The following USP47 variants were observed in gnomAD, a reference collection of about 807,000 sequenced individuals.
USP47 encodes ubiquitin carboxyl-terminal hydrolase 47.
USP47 carries 35 observed loss-of-function variants against 165.1 expected under a neutral mutation model. The ratio of observed to expected loss-of-function variants is 0.21; its 90% CI spans 0.16 to 0.28. The LOEUF is 0.28. USP47 is among the 10% of genes least tolerant of loss of function. The probability of loss-of-function intolerance (pLI) is 1.00; values close to 1 mark genes in which losing one functional copy is unlikely to be tolerated. For synonymous variants in USP47, 531 were observed against 544.5 expected, an observed-to-expected ratio of 0.98 and a Z score of 0.35; for missense variants, 1,277 against 1,607.4, an observed-to-expected ratio of 0.79 and a Z score of 3.52.
intron 14 of USP47, 132 bp downstream of exon 14, chr11:11,930,883 C>T: frequency 1.6e-6 from 1 of 641,368 alleles, no homozygotes; most frequent in South Asian, 2.3e-5. Flanking sequence ...GAATTATTTA[C>T]AAAGACTGTT....
At chr11:11,870,722 T>C (rs894019374) in intron 1 of USP47, among the ~76,000 whole-genome samples, 2 of 152,204 alleles carry the variant, frequency 1.3e-5, no homozygotes, top group African/African-American at 4.8e-5. Context: ...CCGTGGTTTC[T>C]GGTAAGAAAA....
chr11:11,951,735 T>G (rs886353518), intron 24 of USP47: 4 of 152,204 alleles, frequency 2.6e-5, no homozygotes, highest in African/African-American at 9.7e-5. Flanking sequence ...TTTAAATGGT[T>G]GAAATTCTGA....
intron 1 of USP47, among the ~76,000 whole-genome samples, chr11:11,862,400 C>A (rs1284417798): frequency 6.8e-6 from 1 of 146,406 alleles, no homozygotes; most frequent in Non-Finnish European, 1.5e-5. Flanking sequence ...GCATAAGAAT[C>A]TGCTTATCTT....
intron 22 of USP47, 50 bp downstream of exon 22, chr11:11,948,608 A>C (rs758371201): frequency 1.4e-6 from 2 of 1,473,434 alleles, no homozygotes; most frequent in East Asian, 4.5e-5. Flanking sequence ...ACAGTTACTG[A>C]AAACATAGAA....
At chr11:11,859,140 T>C (rs1220465853) in intron 1 of USP47, among the ~76,000 whole-genome samples, 1 of 152,220 alleles carries the variant, frequency 6.6e-6, no homozygotes, top group Non-Finnish European at 1.5e-5. Context: ...CATCTTTTCA[T>C]GTACTTAATA....
intron 4 of USP47, among the ~76,000 whole-genome samples, chr11:11,897,092 G>T (rs116619122): frequency 6.7e-6 from 1 of 149,614 alleles, no homozygotes; most frequent in Non-Finnish European, 1.5e-5. Flanking sequence ...AATTTATCTC[G>T]TATGTTATTC....
intron 1 of USP47, among the ~76,000 whole-genome samples, chr11:11,859,423 C>T (rs1849246524): frequency 6.6e-6 from 1 of 152,092 alleles, no homozygotes; most frequent in Non-Finnish European, 1.5e-5. Context: ...GTTGCTTAAC[C>T]TTTCTGGTAT....
rs1051765380 is a variant in USP47 at position 11,931,295 on chromosome 11, C to A, written c.1651+544C>A. ...ATGTTTTTATTCACATTTTTGTAAA[C>A]CCTCATTAGATGGTGAATTCAATTG... is the stretch of plus-strand genomic sequence containing the variant. On this transcript the variant is annotated intron_variant, in intron 14 of 27. Coordinates refer to ENST00000527733, the MANE Select transcript of USP47 (RefSeq NM_001282659.2). Among the ~76,000 whole-genome samples the A allele has an allele frequency of 2.0e-5, 3 of 151,926 alleles. No homozygotes were observed. The South Asian group carries it at 6.2e-4, about 32-fold the overall frequency.
intron 8 of USP47, among the ~76,000 whole-genome samples, chr11:11,908,296 T>A (rs779564175): frequency 6.6e-5 from 10 of 151,950 alleles, no homozygotes; most frequent in African/African-American, 2.4e-5. Flanking sequence ...TTTTAAAAAA[T>A]TTATTAAATA....
At chr11:11,950,316 T>G in intron 23 of USP47, 48 bp from the exon 24 acceptor site, 1 of 1,304,294 alleles carries the variant, frequency 7.7e-7, no homozygotes, top group Non-Finnish European at 1.1e-6. Flanking sequence ...ATCTTTAAAT[T>G]GAGAGTTTCA....
intron 11 of USP47, among the ~76,000 whole-genome samples, chr11:11,927,226 A>AT (rs150721117): frequency 0.22 from 32,883 of 151,402 alleles, 4,283 homozygotes; most frequent in Non-Finnish European, 0.29. Flanking sequence ...TCCCCTGAAG[A>AT]TTTTTTTGTC....
At chr11:11,936,072 TA>T (rs1010899091) in intron 16 of USP47, among the ~76,000 whole-genome samples, 1 of 151,820 alleles carries the variant, frequency 6.6e-6, no homozygotes, top group African/African-American at 2.4e-5. Context: ...ATGTATTTAG[TA>T]CATGCTTTAT....
chr11:11,861,559 T>G (rs988944573), intron 1 of USP47, among the ~76,000 whole-genome samples: 1 of 152,182 alleles, frequency 6.6e-6, no homozygotes, highest in Non-Finnish European at 1.5e-5. Context: ...ATTGAGTACT[T>G]GATGTAATTT....
At position 11,900,118 on chromosome 11, in the gene USP47, T is replaced by C. The variant is rs142922750; in HGVS notation, c.593+2425T>C. ...GGATAAAGTATCCAGAGAGTAGTGC[T>C]AGGATAAAAGGATAGGGTTTTGTTT... On this transcript the variant is annotated intron_variant, in intron 5 of 27. Transcript: ENST00000527733. 7.3e-3 allele frequency among the ~76,000 whole-genome samples: 1,099 copies of C among 151,186 alleles called. 17 individuals carry two copies. The highest frequency in any genetic ancestry group is 0.026 in the African/African-American group (1,055 of 41,122).
chr11:11,903,427 T>G, intron 7 of USP47, 85 bp downstream of exon 7: 1 of 1,336,388 alleles, frequency 7.5e-7, no homozygotes, highest in Non-Finnish European at 1.0e-6. Flanking sequence ...TTGGAATGTT[T>G]TAAAACTTGG....
chr11:11,951,900 CAAAG>C (rs963176143), intron 24 of USP47: 36 of 151,980 alleles, frequency 2.4e-4, no homozygotes, highest in African/African-American at 6.8e-4. Context: ...TCATAAATGA[CAAAG>C]AAGTCACCCT....
chr11:11,859,794 TC>T (rs1214731439), intron 1 of USP47, among the ~76,000 whole-genome samples: 1 of 152,138 alleles, frequency 6.6e-6, no homozygotes, highest in Admixed American at 6.6e-5. Flanking sequence ...CAAGAAGTTC[TC>T]CCCTTCGATA....
intron 1 of USP47, among the ~76,000 whole-genome samples, chr11:11,869,314 A>G (rs901385111): frequency 6.8e-6 from 1 of 147,936 alleles, no homozygotes; most frequent in African/African-American, 2.4e-5. Context: ...TTAGGTTGAG[A>G]ATTTTTTTTT....
intron 8 of USP47, among the ~76,000 whole-genome samples, chr11:11,911,751 A>C (rs902825406): frequency 1.3e-5 from 2 of 152,152 alleles, no homozygotes; most frequent in Non-Finnish European, 2.9e-5. Context: ...CCATCAACCA[A>C]CAGATCTAAT....
Sources: gnomAD v4.1 joint callset for allele counts (sites outside exome capture counted in the v4.1 genomes callset) on GRCh38, gnomAD v4.1.1 for gene constraint, MANE v1.5 for transcripts, NCBI Gene and HGNC (gene_info 2026-07-23, HGNC 2026-07-21) for gene names.